Variants in THSD7B observed in about 807,000 individuals in gnomAD.
The protein encoded by THSD7B is thrombospondin type 1 domain containing 7B.
Under a neutral mutation model 213.6 loss-of-function variants are expected in THSD7B, and 138 were observed. The ratio of observed to expected loss-of-function variants is 0.65; its 90% CI spans 0.56 to 0.74. THSD7B has a LOEUF of 0.74. Ranked by LOEUF, THSD7B falls within the 30% of genes least tolerant of loss-of-function variation. The pLI is 0.00. For synonymous variants in THSD7B, 742 were observed against 687.0 expected, an observed-to-expected ratio of 1.08 and a Z score of -1.25; for missense variants, 1,931 against 1,991.5, an observed-to-expected ratio of 0.97 and a Z score of 0.58.
chr2:137,534,000 A>ATG (rs141422453), intron 15 of THSD7B, among the ~76,000 whole-genome samples: 100 of 132,818 alleles, frequency 7.5e-4, no homozygotes, highest in Middle Eastern at 3.8e-3. Context: ...GTGCACATGT[A>ATG]TGTGTGTGTG....
At chr2:137,350,624 G>T (rs1684993221) in intron 12 of THSD7B, among the ~76,000 whole-genome samples, 1 of 151,752 alleles carries the variant, frequency 6.6e-6, no homozygotes, top group Admixed American at 6.6e-5. Context: ...ATGTCTGAAA[G>T]AGATCACTCT....
At chr2:137,385,009 G>T (rs1017140954) in intron 12 of THSD7B, among the ~76,000 whole-genome samples, 3 of 152,126 alleles carry the variant, frequency 2.0e-5, no homozygotes, top group African/African-American at 7.2e-5. Context: ...ACCAGGGCAA[G>T]CAGTCACCAG....
At chr2:136,941,010 C>T (rs1160595017) in intron 2 of THSD7B, among the ~76,000 whole-genome samples, 4 of 151,944 alleles carry the variant, frequency 2.6e-5, no homozygotes, top group African/African-American at 9.7e-5. Context: ...CCTCCAGCCC[C>T]CCACCCCATG....
At chr2:137,080,212 G>GTATTT (rs1687716919) in intron 3 of THSD7B, among the ~76,000 whole-genome samples, 1 of 150,732 alleles carries the variant, frequency 6.6e-6, no homozygotes, top group African/African-American at 2.4e-5. Context: ...GTATTGTATT[G>GTATTT]TATTTTGAGA....
intron 2 of THSD7B, among the ~76,000 whole-genome samples, chr2:136,887,932 G>A (rs1391202862): frequency 1.3e-5 from 2 of 151,960 alleles, no homozygotes; most frequent in Non-Finnish European, 1.5e-5. Context: ...ACACTTTACA[G>A]GACTCTTTGA....
At chr2:137,367,017 G>A (rs192992318) in intron 12 of THSD7B, among the ~76,000 whole-genome samples, 1 of 151,752 alleles carries the variant, frequency 6.6e-6, no homozygotes, top group East Asian at 1.9e-4. Flanking sequence ...AGGTTAATAT[G>A]TACTCGTTTC....
intron 3 of THSD7B, among the ~76,000 whole-genome samples, chr2:137,081,066 T>C (rs1050471131): frequency 6.6e-6 from 1 of 152,202 alleles, no homozygotes; most frequent in African/African-American, 2.4e-5. Flanking sequence ...AGAAGTTTGT[T>C]GCCAGTTTTA....
At chr2:137,542,485 G>GTAA (rs1433488412) in intron 15 of THSD7B, among the ~76,000 whole-genome samples, 1 of 151,632 alleles carries the variant, frequency 6.6e-6, no homozygotes, top group Non-Finnish European at 1.5e-5. Context: ...ACACTGGAAA[G>GTAA]TAATTCAAAT....
intron 5 of THSD7B, among the ~76,000 whole-genome samples, chr2:137,155,010 T>A (rs1679887229): frequency 1.3e-5 from 2 of 152,242 alleles, no homozygotes; most frequent in Admixed American, 6.5e-5. Flanking sequence ...GTCAGTTTAA[T>A]AATTTCATAT....
chr2:137,395,310 A>G (rs1490962054), intron 12 of THSD7B, among the ~76,000 whole-genome samples: 2 of 149,650 alleles, frequency 1.3e-5, no homozygotes, highest in East Asian at 3.9e-4. Context: ...TGTCATAGAT[A>G]GCTCTTATTA....
At chr2:137,587,028 T>C (rs1014053750) in intron 17 of THSD7B, among the ~76,000 whole-genome samples, 1 of 152,212 alleles carries the variant, frequency 6.6e-6, no homozygotes, top group African/African-American at 2.4e-5. Context: ...GGAGGTTTTG[T>C]TCATTTCTTT....
At chr2:137,026,816 C>G (rs1686564155) in intron 2 of THSD7B, among the ~76,000 whole-genome samples, 1 of 152,096 alleles carries the variant, frequency 6.6e-6, no homozygotes, top group South Asian at 2.1e-4. Context: ...ACTCTCGTGT[C>G]CTGATATTTA....
At chr2:137,317,417 A>G (rs1261254817) in intron 12 of THSD7B, among the ~76,000 whole-genome samples, 1 of 152,236 alleles carries the variant, frequency 6.6e-6, no homozygotes, top group African/African-American at 2.4e-5. Flanking sequence ...CTTTTGAAAT[A>G]TGGTAACTGG....
chr2:137,493,668 T>G (rs1679486812), intron 15 of THSD7B, among the ~76,000 whole-genome samples: 1 of 152,214 alleles, frequency 6.6e-6, no homozygotes, highest in African/African-American at 2.4e-5. Flanking sequence ...ACTGCAGATA[T>G]AAGCCAAGTT....
At chr2:137,504,258 T>C (rs961497034) in intron 15 of THSD7B, among the ~76,000 whole-genome samples, 2 of 152,156 alleles carry the variant, frequency 1.3e-5, no homozygotes, top group African/African-American at 4.8e-5. Context: ...TTATAGGTTA[T>C]TGAAGAAATT....
At chr2:137,038,334 T>A (rs1289382678) in intron 2 of THSD7B, among the ~76,000 whole-genome samples, 2 of 152,048 alleles carry the variant, frequency 1.3e-5, no homozygotes, top group African/African-American at 2.4e-5. Context: ...AGCTAAATGG[T>A]CACATTTAAA....
At chr2:137,548,219 G>A (rs1424018888) in intron 15 of THSD7B, among the ~76,000 whole-genome samples, 1 of 152,022 alleles carries the variant, frequency 6.6e-6, no homozygotes, top group South Asian at 2.1e-4. Context: ...TCACAACGAT[G>A]TTGGTGAAAA....
intron 2 of THSD7B, among the ~76,000 whole-genome samples, chr2:136,931,513 T>C (rs1437895994): frequency 6.6e-6 from 1 of 152,190 alleles, no homozygotes; most frequent in African/African-American, 2.4e-5. Flanking sequence ...TATTGTGTTT[T>C]CCTGATCTTT....
chr2:137,415,766 TC>T (rs1224740556), intron 14 of THSD7B, among the ~76,000 whole-genome samples: 3 of 146,882 alleles, frequency 2.0e-5, no homozygotes, highest in Admixed American at 6.9e-5. Context: ...CCTTCATCTC[TC>T]CTTTCATTCA....
Sources: allele counts gnomAD v4.1 joint callset (sites outside exome capture counted in the v4.1 genomes callset), GRCh38; gene constraint gnomAD v4.1.1; transcripts MANE v1.5; gene names NCBI Gene and HGNC (gene_info 2026-07-23, HGNC 2026-07-21).